Variants in LRP1B observed in about 807,000 individuals in gnomAD.
The protein encoded by LRP1B is LDL receptor related protein 1B.
In LRP1B, 217 loss-of-function variants were observed where a neutral mutation model predicts 556.6. The observed-to-expected ratio is 0.39, with a 90% CI of 0.35 to 0.44. The LOEUF is 0.44. Ranked by LOEUF, LRP1B falls within the 20% of genes least tolerant of loss-of-function variation. LRP1B has a pLI of 1.00. For missense variants in LRP1B, 5,053 were observed against 5,620.8 expected (o/e 0.90, Z 3.23); for synonymous variants, 2,047 against 1,865.8 (o/e 1.10, Z -2.50).
chr2:141,891,287 G>T (rs1699283905), intron 1 of LRP1B, among the ~76,000 whole-genome samples: 2 of 152,094 alleles, frequency 1.3e-5, no homozygotes, highest in Non-Finnish European at 2.9e-5. Flanking sequence ...CAACTATTTG[G>T]CTGTAAACAT....
intron 7 of LRP1B, among the ~76,000 whole-genome samples, chr2:141,124,108 C>G (rs952179617): frequency 2.0e-5 from 3 of 152,000 alleles, no homozygotes; most frequent in African/African-American, 7.3e-5. Flanking sequence ...TAAAGTCTGA[C>G]TACTTAGATA....
Position 140,487,713 on chromosome 2 carries a change from G to A in LRP1B, c.9147C>T (p.Asp3049=), listed in dbSNP as rs760234156. 2 of 1,566,520 alleles carry A rather than the reference G, an allele frequency of 1.3e-6. No homozygotes were observed. Among genetic ancestry groups the A allele is most frequent in the East Asian group, 2.3e-5 (1 of 44,106 alleles). Residue 3049 remains aspartate, a synonymous_variant, in exon 58 of 91, where the codon GAC becomes GAT. Transcript: ENST00000389484. ...AGATGAATTCTTCTCTGTAATCAAA[G>A]TCTATAGCAATAACATTGTTTAATC... ...KQGLNNVIAI[D]FDYREEFIYW... is the part of the protein sequence containing the mutation.
chr2:141,972,433 A>G (rs1478414696), intron 1 of LRP1B, among the ~76,000 whole-genome samples: 1 of 151,622 alleles, frequency 6.6e-6, no homozygotes, highest in Non-Finnish European at 1.5e-5. Context: ...AAAAAGCAAC[A>G]TCTATTACTG....
intron 1 of LRP1B, among the ~76,000 whole-genome samples, chr2:142,037,760 A>AT (rs1252810665): frequency 1.3e-5 from 2 of 151,534 alleles, no homozygotes; most frequent in African/African-American, 4.8e-5. Context: ...TCAATGATGT[A>AT]TTTTTTACAG....
At chr2:141,756,631 T>C (rs1163166148) in intron 2 of LRP1B, among the ~76,000 whole-genome samples, 2 of 151,504 alleles carry the variant, frequency 1.3e-5, no homozygotes, top group Non-Finnish European at 2.9e-5. Context: ...ACATAGAGAA[T>C]GGAGGTCCCA....
Position 140,826,877 on chromosome 2 carries a change from AG to A in LRP1B, c.5210-13072del, listed in dbSNP as rs1437095177. ...GAAACACTGTTCTTTATCTCAGCCA[AG>A]GGGACACCAAATAAAAGTAGCTATT... On this transcript the variant is annotated intron_variant, in intron 31 of 90. Transcript: ENST00000389484. 2.6e-5 allele frequency among the ~76,000 whole-genome samples: 4 copies of A among 151,744 alleles called. No individual in the cohort carries two copies. The South Asian group carries it at 8.3e-4, about 31-fold the overall frequency.
intron 11 of LRP1B, among the ~76,000 whole-genome samples, chr2:141,041,923 C>T (rs574188537): frequency 6.6e-6 from 1 of 151,950 alleles, no homozygotes; most frequent in Non-Finnish European, 1.5e-5. Flanking sequence ...ATCAAAAATC[C>T]TTTCACTTAA....
intron 3 of LRP1B, among the ~76,000 whole-genome samples, chr2:141,446,937 T>A (rs1681216258): frequency 6.6e-6 from 1 of 152,154 alleles, no homozygotes; most frequent in South Asian, 2.1e-4. Context: ...TCTCTATATT[T>A]CCTGAATTTG....
At position 140,522,454 on chromosome 2, in the gene LRP1B, A is replaced by C. The variant is rs1690222264; in HGVS notation, c.8026+3390T>G. Among the ~76,000 whole-genome samples the C allele has an allele frequency of 2.0e-5, 3 of 151,920 alleles. No individual in the cohort carries two copies. The South Asian group carries it at 6.2e-4, about 31-fold the overall frequency. On this transcript the variant is annotated intron_variant, in intron 49 of 90. Coordinates refer to ENST00000389484, the MANE Select transcript of LRP1B (RefSeq NM_018557.3). ...ATTAAAAGGAAGGTTTATAGTACTA[A>C]ATGTCCACATCAAAAAGATAGAAAG...
chr2:140,691,979 C>T (rs1442629138), intron 41 of LRP1B, among the ~76,000 whole-genome samples: 1 of 151,914 alleles, frequency 6.6e-6, no homozygotes. Context: ...AATACCATTT[C>T]TTTTTTTCTT....
intron 2 of LRP1B, among the ~76,000 whole-genome samples, chr2:141,650,036 G>A (rs370692716): frequency 1.6e-4 from 24 of 152,010 alleles, no homozygotes; most frequent in Admixed American, 3.9e-4. Context: ...AAAAGTTAGC[G>A]CGGCATGGTG....
chr2:141,810,165 G>GAAAGA (rs1217792565), intron 2 of LRP1B, 114 bp downstream of exon 2: 15 of 365,396 alleles, frequency 4.1e-5, no homozygotes, highest in African/African-American at 9.1e-5. Flanking sequence ...AAGAAAGAAA[G>GAAAGA]AAGGAAAGAA....
chr2:141,107,175 A>T (rs186587905), intron 7 of LRP1B, among the ~76,000 whole-genome samples: 1 of 152,282 alleles, frequency 6.6e-6, no homozygotes. Context: ...GGTTCTATTC[A>T]GACTTTGGAA....
intron 2 of LRP1B, among the ~76,000 whole-genome samples, chr2:141,488,969 T>TTG (rs1220672838): frequency 2.9e-4 from 14 of 48,994 alleles, no homozygotes; most frequent in Non-Finnish European, 7.9e-4. Context: ...GGGTTTGTTT[T>TTG]TTTTTGTTTG....
At chr2:140,920,220 C>A (rs1015046738) in intron 21 of LRP1B, among the ~76,000 whole-genome samples, 1 of 151,892 alleles carries the variant, frequency 6.6e-6, no homozygotes, top group Non-Finnish European at 1.5e-5. Context: ...AGAACAGATG[C>A]GGCACAATGC....
intron 1 of LRP1B, among the ~76,000 whole-genome samples, chr2:141,878,022 A>G (rs10193124): frequency 0.16 from 24,083 of 151,888 alleles, 1,997 homozygotes; most frequent in South Asian, 0.19. Context: ...GACATTCCCT[A>G]AAATGTTTGC....
intron 83 of LRP1B, among the ~76,000 whole-genome samples, chr2:140,306,339 T>C (rs1684066643): frequency 6.6e-6 from 1 of 152,182 alleles, no homozygotes; most frequent in South Asian, 2.1e-4. Context: ...GAGCCTGTTA[T>C]TGGTCTATTC....
At chr2:141,447,727 G>T (rs559892819) in intron 3 of LRP1B, among the ~76,000 whole-genome samples, 34 of 152,268 alleles carry the variant, frequency 2.2e-4, no homozygotes, top group Admixed American at 1.3e-4. Context: ...TGTTTGCCTG[G>T]TTATCACCAG....
At chr2:140,431,450 C>T (rs775461286) in intron 66 of LRP1B, among the ~76,000 whole-genome samples, 2 of 152,118 alleles carry the variant, frequency 1.3e-5, no homozygotes, top group South Asian at 2.1e-4. Flanking sequence ...TCTGTCTAGT[C>T]GTACTCCTGT....
Sources: allele counts gnomAD v4.1 joint callset (sites outside exome capture counted in the v4.1 genomes callset), GRCh38; gene constraint gnomAD v4.1.1; transcripts MANE v1.5; gene names NCBI Gene and HGNC (gene_info 2026-07-23, HGNC 2026-07-21).